SH3BGRL2: variants seen among roughly 807,000 people sequenced by gnomAD.
SH3BGRL2 encodes SH3 domain binding glutamate rich protein like 2.
Under a neutral mutation model 14.8 loss-of-function variants are expected in SH3BGRL2, and 21 were observed. The ratio of observed to expected loss-of-function variants is 1.42; its 90% CI spans 1.01 to 2.05. SH3BGRL2 has a LOEUF of 2.05. Among genes scored for constraint, SH3BGRL2 ranks in the 30% most tolerant of loss-of-function variants. The probability of loss-of-function intolerance (pLI) is 0.00; values close to 1 mark genes in which losing one functional copy is unlikely to be tolerated. For missense variants in SH3BGRL2, 147 were observed against 130.8 expected (o/e 1.12, Z -0.61); for synonymous variants, 50 against 47.8 (o/e 1.05, Z -0.19).
the SH3BGRL2 span, among the ~76,000 whole-genome samples, chr6:79,594,650 T>C: frequency 1.3e-5 from 2 of 152,068 alleles, no homozygotes; most frequent in Non-Finnish European, 2.9e-5. Context: ...TGCTGGTAGA[T>C]GAGGCAGCAG....
chr6:79,631,709 T>G (rs893822678), intron 1 of SH3BGRL2, among the ~76,000 whole-genome samples: 1 of 152,158 alleles, frequency 6.6e-6, no homozygotes, highest in African/African-American at 2.4e-5. Context: ...CTCACCCAAA[T>G]GCCCACCCTG....
chr6:79,537,644 G>A, the SH3BGRL2 span, among the ~76,000 whole-genome samples: 31 of 152,324 alleles, frequency 2.0e-4, no homozygotes, highest in African/African-American at 7.0e-4. Flanking sequence ...GGCTCCTACG[G>A]GCTGTGCGGT....
intron 1 of SH3BGRL2, among the ~76,000 whole-genome samples, chr6:79,636,266 T>C (rs1410189787): frequency 6.6e-6 from 1 of 152,168 alleles, no homozygotes; most frequent in Non-Finnish European, 1.5e-5. Flanking sequence ...GTAGAAGTTC[T>C]TCCTGTGGGC....
At chr6:79,575,150 A>G in the SH3BGRL2 span, 1 of 152,228 alleles carries the variant, frequency 6.6e-6, no homozygotes, top group Non-Finnish European at 1.5e-5. Flanking sequence ...CTCATCAACC[A>G]CAATGTCCAT....
the SH3BGRL2 span, among the ~76,000 whole-genome samples, chr6:79,562,877 G>A: frequency 1.3e-5 from 2 of 152,158 alleles, no homozygotes; most frequent in Non-Finnish European, 2.9e-5. Flanking sequence ...TTTGTGCTGG[G>A]CTGCATTCAA....
At chr6:79,647,602 A>G (rs1769169862) in intron 1 of SH3BGRL2, among the ~76,000 whole-genome samples, 1 of 152,132 alleles carries the variant, frequency 6.6e-6, no homozygotes, top group Non-Finnish European at 1.5e-5. Context: ...ACACAGGCTC[A>G]TATGGAATAT....
At position 79,699,641 on chromosome 6, in the gene SH3BGRL2, G is replaced by C. The variant is rs1167145570; in HGVS notation, c.*132G>C. The C allele has an allele frequency of 1.6e-6, 2 of 1,254,460 alleles. No individual in the cohort carries two copies. Among genetic ancestry groups the C allele is most frequent in the African/African-American group, 3.0e-5 (2 of 66,012 alleles). The allele number at this position is 1,254,460 out of a possible 1,614,324, so 77.7% of individuals were successfully genotyped here. ...AGTAACTTTGCTTGCCACGGAAAAG[G>C]TGTTTTTGAAAGATGTGGCTATAAT... On this transcript the variant is annotated 3_prime_UTR_variant, in exon 4 of 4. Transcript: ENST00000369838.
intron 2 of SH3BGRL2, among the ~76,000 whole-genome samples, chr6:79,675,200 C>T (rs532391552): frequency 1.1e-4 from 17 of 152,142 alleles, no homozygotes; most frequent in Admixed American, 2.0e-4. Context: ...CCTCGGACTT[C>T]GAGGCTTTGA....
the SH3BGRL2 span, among the ~76,000 whole-genome samples, chr6:79,540,854 TAG>T: frequency 6.6e-6 from 1 of 152,116 alleles, no homozygotes; most frequent in Non-Finnish European, 1.5e-5. Flanking sequence ...TGGAAAAAAT[TAG>T]AACAGTTATT....
the SH3BGRL2 span, among the ~76,000 whole-genome samples, chr6:79,579,255 C>T: frequency 6.6e-6 from 1 of 152,152 alleles, no homozygotes; most frequent in Non-Finnish European, 1.5e-5. Context: ...ACTTCCACAA[C>T]CTGGCAAGGC....
the SH3BGRL2 span, among the ~76,000 whole-genome samples, chr6:79,541,252 CA>C: frequency 2.7e-5 from 4 of 148,034 alleles, no homozygotes; most frequent in African/African-American, 7.5e-5. Flanking sequence ...GACTCAGTCT[CA>C]AAAAAAAAGA....
At chr6:79,635,686 A>G (rs189823350) in intron 1 of SH3BGRL2, among the ~76,000 whole-genome samples, 131 of 152,324 alleles carry the variant, frequency 8.6e-4, no homozygotes, top group African/African-American at 3.0e-3. Flanking sequence ...ATATCCCTGG[A>G]TGTTGGAGAG....
the SH3BGRL2 span, among the ~76,000 whole-genome samples, chr6:79,590,401 G>T: frequency 8.0e-6 from 1 of 124,654 alleles, no homozygotes; most frequent in Non-Finnish European, 1.6e-5. Flanking sequence ...GCCCATCAAT[G>T]GTGGACTGGA....
At chr6:79,656,163 G>A (rs1769413932) in intron 1 of SH3BGRL2, among the ~76,000 whole-genome samples, 1 of 152,234 alleles carries the variant, frequency 6.6e-6, no homozygotes, top group African/African-American at 2.4e-5. Context: ...AATGTAGGAA[G>A]CTCTAGAGGA....
chr6:79,588,137 CA>C, the SH3BGRL2 span, among the ~76,000 whole-genome samples: 1 of 151,694 alleles, frequency 6.6e-6, no homozygotes, highest in Admixed American at 6.6e-5. Flanking sequence ...ACTAAAAATA[CA>C]AAAAATTAGC....
intron 2 of SH3BGRL2, among the ~76,000 whole-genome samples, chr6:79,674,124 C>G (rs986024811): frequency 2.0e-5 from 3 of 151,878 alleles, no homozygotes; most frequent in Non-Finnish European, 2.9e-5. Context: ...GTATTATGTT[C>G]TAAATTTTGA....
the SH3BGRL2 span, among the ~76,000 whole-genome samples, chr6:79,603,076 A>G: frequency 2.2e-3 from 339 of 152,342 alleles, 2 homozygotes; most frequent in Non-Finnish European, 1.2e-3. Context: ...TGCTGTTGCT[A>G]TGGAAACATT....
At chr6:79,649,524 A>G (rs1769238211) in intron 1 of SH3BGRL2, among the ~76,000 whole-genome samples, 1 of 152,080 alleles carries the variant, frequency 6.6e-6, no homozygotes, top group African/African-American at 2.4e-5. Context: ...TCTGGCCCCC[A>G]CATTTGTAGC....
the SH3BGRL2 span, among the ~76,000 whole-genome samples, chr6:79,568,957 G>T: frequency 0.025 from 3,874 of 152,250 alleles, 61 homozygotes; most frequent in Middle Eastern, 0.075. Context: ...TATTGGAAGA[G>T]ATTTATTCTA....
Sources: gnomAD v4.1 joint callset for allele counts (sites outside exome capture counted in the v4.1 genomes callset) on GRCh38, gnomAD v4.1.1 for gene constraint, MANE v1.5 for transcripts, NCBI Gene and HGNC (gene_info 2026-07-23, HGNC 2026-07-21) for gene names.